CCDC117: variants seen among roughly 807,000 people sequenced by gnomAD.
CCDC117 encodes coiled-coil domain-containing protein 117.
In CCDC117, 1 loss-of-function variant was observed where a neutral mutation model predicts 23.5. The observed-to-expected ratio is 0.04, with a 90% CI of 0.02 to 0.20. The LOEUF is 0.20. Ranked by LOEUF, CCDC117 falls within the 10% of genes least tolerant of loss-of-function variation. CCDC117 has a pLI of 1.00. For synonymous variants in CCDC117, 132 were observed against 124.8 expected, an observed-to-expected ratio of 1.06 and a Z score of -0.39; for missense variants, 383 against 348.2, an observed-to-expected ratio of 1.10 and a Z score of -0.80.
intron 3 of CCDC117, among the ~76,000 whole-genome samples, chr22:28,781,966 T>A (rs1304280357): frequency 8.8e-5 from 13 of 148,342 alleles, no homozygotes; most frequent in Non-Finnish European, 7.5e-5. Context: ...TTTTTTAAAT[T>A]GATACAGGGT....
At chr22:28,778,540 G>A (rs1218232894) in intron 2 of CCDC117, among the ~76,000 whole-genome samples, 1 of 152,058 alleles carries the variant, frequency 6.6e-6, no homozygotes, top group Non-Finnish European at 1.5e-5. Context: ...CCCAGGAGAC[G>A]GAGGTTGCAG....
chr22:28,779,653 G>A (rs1374152227), intron 2 of CCDC117, among the ~76,000 whole-genome samples: 3 of 152,084 alleles, frequency 2.0e-5, no homozygotes, highest in Non-Finnish European at 4.4e-5. Context: ...ATCTAGGTTT[G>A]AGAGATCTGT....
intron 2 of CCDC117, 141 bp downstream of exon 2, chr22:28,773,919 C>CT: frequency 1.4e-6 from 1 of 702,806 alleles, no homozygotes; most frequent in Non-Finnish European, 2.5e-6. Flanking sequence ...CATTGGTTGT[C>CT]TTTTAGAGAA....
chr22:28,784,724 C>T (rs927853099), intron 4 of CCDC117, among the ~76,000 whole-genome samples: 2 of 152,156 alleles, frequency 1.3e-5, no homozygotes, highest in Admixed American at 1.3e-4. Flanking sequence ...GCACTTTCTG[C>T]TTTTGGTAGT....
In CCDC117 at chr22:28,787,180, T is replaced by C. The variant is rs1488407487; in HGVS notation, c.*854T>C. The C allele has an allele frequency of 6.6e-6, 1 of 151,598 alleles. No individual in the cohort carries two copies. The highest frequency in any genetic ancestry group is 1.5e-5 in the Non-Finnish European group (1 of 68,026). 9.4% of individuals were successfully genotyped at this position (151,598 alleles called of 1,614,324 possible). ...CTTTGGTAATTTTTTTAAAAAGTTA[T>C]ACTTGTATTAGCAAGTTTTTTTTTT... On this transcript the variant is annotated 3_prime_UTR_variant, in exon 5 of 5. Transcript: ENST00000249064.
rs570482792 is a variant in CCDC117 at position 28,773,840 on chromosome 22, C to G, written c.239+62C>G. The G allele has an allele frequency of 2.1e-5, 27 of 1,265,418 alleles. No homozygotes were observed. The South Asian group carries it at 2.4e-4, about 11-fold the overall frequency. The allele number at this position is 1,265,418 out of a possible 1,614,324, so 78.4% of individuals were successfully genotyped here. A position where few individuals can be genotyped will look rare whatever the true frequency, so the allele number is the denominator to read the frequency against. On this transcript the variant is annotated intron_variant, in intron 2 of 4. Coordinates refer to ENST00000249064, the MANE Select transcript of CCDC117 (RefSeq NM_173510.4). ...CCGTTAGTTGAACCCCTGTTATAGT[C>G]TAAATTACTTAAGTGAAAAGGTGAA...
chr22:28,786,696 G>T lies in CCDC117; in HGVS notation c.*370G>T. The T allele has an allele frequency of 5.0e-6, 1 of 198,100 alleles. No individual in the cohort carries two copies. The highest frequency in any genetic ancestry group is 1.1e-5 in the Non-Finnish European group (1 of 94,978). 12.3% of individuals were successfully genotyped at this position (198,100 alleles called of 1,614,324 possible). On this transcript the variant is annotated 3_prime_UTR_variant, in exon 5 of 5. Coordinates refer to ENST00000249064, the MANE Select transcript of CCDC117 (RefSeq NM_173510.4). ...TGAATTAAAAAAGATGATTAAGAAGGATGCTCCTACAACTGTATCCTGACA... is the reference window on the plus strand; with the variant it reads ...TGAATTAAAAAAGATGATTAAGAAGTATGCTCCTACAACTGTATCCTGACA...
chr22:28,777,509 T>C (rs115473097), intron 2 of CCDC117, among the ~76,000 whole-genome samples: 5,687 of 151,016 alleles, frequency 0.038, 167 homozygotes, highest in East Asian at 0.086. Context: ...TCTTTTCTTT[T>C]TTTTTTTCTT....
chr22:28,787,119 A>G lies in CCDC117; in HGVS notation c.*793A>G, dbSNP rs1231521016. The G allele has an allele frequency of 6.6e-6, 1 of 152,610 alleles. No individual in the cohort carries two copies. Among genetic ancestry groups the G allele is most frequent in the Non-Finnish European group, 1.5e-5 (1 of 68,046 alleles). The allele number at this position is 152,610 out of a possible 1,614,324, so 9.5% of individuals were successfully genotyped here. A position where few individuals can be genotyped will look rare whatever the true frequency, so the allele number is the denominator to read the frequency against. On this transcript the variant is annotated 3_prime_UTR_variant, in exon 5 of 5. Coordinates refer to ENST00000249064, the MANE Select transcript of CCDC117 (RefSeq NM_173510.4). ...GAGAAGCATCCTTTAGTTCATCTTA[A>G]GGAAGTGCTTTATCAGCTAAACCCA...
chr22:28,786,019 C>G, intron 4 of CCDC117, 70 bp from the exon 5 acceptor site: 2 of 1,123,894 alleles, frequency 1.8e-6, no homozygotes, highest in Non-Finnish European at 2.6e-6. Context: ...GTAATGTTGG[C>G]TTTTCAACCT....
chr22:28,783,096 C>T (rs1337614739), intron 3 of CCDC117, among the ~76,000 whole-genome samples: 1 of 152,080 alleles, frequency 6.6e-6, no homozygotes, highest in Non-Finnish European at 1.5e-5. Context: ...CGCTGGTGTG[C>T]AATGGCACGA....
intron 2 of CCDC117, among the ~76,000 whole-genome samples, chr22:28,779,713 T>C (rs569533837): frequency 6.6e-6 from 1 of 152,330 alleles, no homozygotes; most frequent in Admixed American, 6.5e-5. Flanking sequence ...GTTTTCACAG[T>C]CTTAACATGG....
In CCDC117 at chr22:28,786,410, G is replaced by A. The variant is rs2031512493; in HGVS notation, c.*84G>A. ...GACTCTTTGCATAGTATAGGGACTT[G>A]AAAGTTTTATGAGACGGGTGTAATA... On this transcript the variant is annotated 3_prime_UTR_variant, in exon 5 of 5. Transcript: ENST00000249064. The A allele has an allele frequency of 3.2e-6, 3 of 941,732 alleles. No homozygotes were observed. Among genetic ancestry groups the A allele is most frequent in the Non-Finnish European group, 4.8e-6 (3 of 622,368 alleles). 58.3% of individuals were successfully genotyped at this position (941,732 alleles called of 1,614,324 possible).
At chr22:28,780,162 A>G (rs1250144688) in intron 2 of CCDC117, among the ~76,000 whole-genome samples, 8 of 152,202 alleles carry the variant, frequency 5.3e-5, no homozygotes, top group African/African-American at 1.9e-4. Context: ...AATAAAAAAA[A>G]ATGGATTTGA....
chr22:28,781,333 TTG>T, intron 3 of CCDC117, among the ~76,000 whole-genome samples, 161 bp downstream of exon 3: 4 of 39,826 alleles, frequency 1.0e-4, no homozygotes, highest in Non-Finnish European at 1.6e-4. Context: ...TTTTTTTGTT[TTG>T]TTTTTTTTTT....
chr22:28,786,066 A>G, intron 4 of CCDC117, 23 bp from the exon 5 acceptor site: 11 of 1,553,684 alleles, frequency 7.1e-6, no homozygotes, highest in Non-Finnish European at 7.8e-6. Flanking sequence ...TTTTTTGATA[A>G]AAGTCTGTAT....
rs370581950 is a variant in CCDC117 at position 28,786,348 on chromosome 22, T to C, written c.*22T>C. ...CTAGAAACCAATTTCTACACTAAAG[T>C]TGTCAAATGTTAGAAGAATCCTGTG... On this transcript the variant is annotated 3_prime_UTR_variant, in exon 5 of 5. Transcript: ENST00000249064. 5 of 1,537,852 alleles carry C rather than the reference T, an allele frequency of 3.3e-6. No homozygotes were observed. The highest frequency in any genetic ancestry group is 4.5e-6 in the Non-Finnish European group (5 of 1,113,556).
At position 28,788,592 on chromosome 22, in the gene CCDC117, C is replaced by G. The variant is rs1191795709; in HGVS notation, c.*2266C>G. ...AGAGCTTATTTCAGTAGTCAAGTTA[C>G]CTGACATGATAATTATTTCTGCAGG... is the stretch of plus-strand genomic sequence containing the variant. On this transcript the variant is annotated 3_prime_UTR_variant, in exon 5 of 5. Transcript: ENST00000249064. 6.6e-6 allele frequency: 1 copy of G among 152,634 alleles called. No individual in the cohort carries two copies. Among genetic ancestry groups the G allele is most frequent in the Non-Finnish European group, 1.5e-5 (1 of 68,040 alleles). The allele number at this position is 152,634 out of a possible 1,614,324, so 9.5% of individuals were successfully genotyped here.
At chr22:28,774,070 G>T (rs976706867) in intron 2 of CCDC117, among the ~76,000 whole-genome samples, 103 of 126,094 alleles carry the variant, frequency 8.2e-4, no homozygotes, top group African/African-American at 1.1e-3. Context: ...TTTTGTTTTT[G>T]TTTTTTTTTT....
Sources: allele counts gnomAD v4.1 joint callset (sites outside exome capture counted in the v4.1 genomes callset), GRCh38; gene constraint gnomAD v4.1.1; transcripts MANE v1.5; gene names NCBI Gene and HGNC (gene_info 2026-07-23, HGNC 2026-07-21).